The following MATR3 variants were observed in gnomAD, a reference collection of about 807,000 sequenced individuals.
The protein encoded by MATR3 is matrin 3, also known as matrin-3.
MATR3 carries 4 observed loss-of-function variants against 85.5 expected under a neutral mutation model. That is an observed-to-expected ratio of 0.05 (90% CI 0.02 to 0.11). The LOEUF (loss-of-function observed/expected upper bound fraction) is 0.11, where lower values mean the gene tolerates loss of function less well. MATR3 is among the 10% of genes least tolerant of loss of function. MATR3 has a pLI of 1.00. For synonymous variants in MATR3, 336 were observed against 343.1 expected (o/e 0.98, Z 0.23); for missense variants, 685 against 1,016.1 (o/e 0.67, Z 4.43).
intron 2 of MATR3, chr5:139,313,415 A>C (rs1301618704): frequency 2.6e-5 from 4 of 151,622 alleles, no homozygotes; most frequent in Admixed American, 2.6e-4. Context: ...TGCTTTTCAC[A>C]ACAACCCTAT....
At chr5:139,302,981 T>G (rs1016845181) in intron 1 of MATR3, among the ~76,000 whole-genome samples, 3 of 152,126 alleles carry the variant, frequency 2.0e-5, no homozygotes, top group African/African-American at 7.2e-5. Flanking sequence ...CCTGAGTATC[T>G]CTAGTTTTAT....
Position 139,322,622 on chromosome 5 carries a change from C to T in MATR3, c.1803C>T (p.Gly601=), listed in dbSNP as rs746452114. The change falls in exon 12 of 15, where the codon GGC becomes GGT. Residue 601 remains glycine, a synonymous_variant. Coordinates refer to ENST00000394805, the MANE Select transcript of MATR3 (RefSeq NM_018834.6). ...KSRKRSYSPD[G]KESPSDKKSK... ...GAAAAAGATCTTACTCTCCAGATGG[C>T]AAAGAATCTCCAAGTGATAAGAAAT... The T allele has an allele frequency of 2.1e-5, 34 of 1,614,122 alleles. No homozygotes were observed. The South Asian group carries it at 2.9e-4, about 14-fold the overall frequency.
At chr5:139,275,124 C>T (rs937160550) in intron 1 of MATR3, among the ~76,000 whole-genome samples, 3 of 148,700 alleles carry the variant, frequency 2.0e-5, no homozygotes, top group Admixed American at 2.0e-4. Flanking sequence ...TACAGGTGCC[C>T]GCCACCACGC....
chr5:139,294,296 G>A (rs556019556), intron 1 of MATR3, among the ~76,000 whole-genome samples: 138 of 152,350 alleles, frequency 9.1e-4, no homozygotes, highest in African/African-American at 3.2e-3. Flanking sequence ...GGTAGCGCCA[G>A]TGCCAAATAA....
intron 1 of MATR3, chr5:139,294,007 C>T: frequency 1.6e-6 from 2 of 1,285,296 alleles, no homozygotes; most frequent in Non-Finnish European, 2.0e-6. Flanking sequence ...GGCGGCGCAA[C>T]CAGCCTTCTA....
chr5:139,292,252 G>A (rs893531568), upstream of MATR3, among the ~76,000 whole-genome samples: 5 of 152,068 alleles, frequency 3.3e-5, no homozygotes, highest in African/African-American at 1.2e-4. Flanking sequence ...GAGATCTACC[G>A]TGCCTCAAAT....
At chr5:139,310,374 C>G (rs1389923135) in intron 2 of MATR3, 1 of 152,142 alleles carries the variant, frequency 6.6e-6, no homozygotes, top group Non-Finnish European at 1.5e-5. Flanking sequence ...ATTGGACCAA[C>G]TTTAAGAAGT....
At position 139,330,799 on chromosome 5, in the gene MATR3, AT is replaced by A. The variant is rs560051803; in HGVS notation, c.*1413del. ...TATATTGGATTATCTGTTGTAAACA[AT>A]TTTTTTTTCTTCCCTGACACAGGGT... On this transcript the variant is annotated 3_prime_UTR_variant, in exon 15 of 15. Coordinates refer to ENST00000394805, the MANE Select transcript of MATR3 (RefSeq NM_018834.6). The A allele has an allele frequency of 3.3e-5, 15 of 453,248 alleles. 1 individual carries two copies. The highest frequency in any genetic ancestry group is 4.0e-5 in the African/African-American group (2 of 49,872). The allele number at this position is 453,248 out of a possible 1,614,324, so 28.1% of individuals were successfully genotyped here.
chr5:139,291,525 T>C (rs1173868956), upstream of MATR3, among the ~76,000 whole-genome samples: 2 of 152,238 alleles, frequency 1.3e-5, no homozygotes, highest in African/African-American at 2.4e-5. Context: ...CAATTTACCC[T>C]GTCTTGAGAT....
intron 2 of MATR3, 131 bp from the exon 3 acceptor site, chr5:139,314,544 A>T: frequency 1.4e-6 from 1 of 726,252 alleles, no homozygotes; most frequent in Non-Finnish European, 2.5e-6. Context: ...AATCAATGTG[A>T]TTTAGTGAAT....
chr5:139,316,043 TATG>T, intron 4 of MATR3, 30 bp from the exon 5 acceptor site: 1 of 1,461,692 alleles, frequency 6.8e-7, no homozygotes, highest in Non-Finnish European at 9.6e-7. Context: ...ACCTCTTTAT[TATG>T]ATTTATATTT....
At chr5:139,300,997 TAG>T (rs2151943079) in intron 1 of MATR3, among the ~76,000 whole-genome samples, 1 of 151,984 alleles carries the variant, frequency 6.6e-6, no homozygotes, top group East Asian at 1.9e-4. Flanking sequence ...TATTTTTGGG[TAG>T]AGACAGGGTT....
chr5:139,304,279 C>A (rs552730399), intron 1 of MATR3, among the ~76,000 whole-genome samples: 34 of 152,176 alleles, frequency 2.2e-4, no homozygotes, highest in Non-Finnish European at 4.6e-4. Flanking sequence ...GAGGACGAGG[C>A]AGGGGGATCA....
At chr5:139,292,573 TATTGC>T (rs1250738438), upstream of MATR3, among the ~76,000 whole-genome samples, 1 of 152,128 alleles carries the variant, frequency 6.6e-6, no homozygotes, top group African/African-American at 2.4e-5. Flanking sequence ...CCCAAGAGTG[TATTGC>T]ATTCAGTCAA....
intron 1 of MATR3, among the ~76,000 whole-genome samples, chr5:139,305,897 T>G (rs945941680): frequency 1.3e-5 from 2 of 152,202 alleles, no homozygotes; most frequent in Non-Finnish European, 2.9e-5. Context: ...TTTGCCACTG[T>G]ATTTGTCCAT....
At chr5:139,294,430 C>T in intron 1 of MATR3, 1 of 163,472 alleles carries the variant, frequency 6.1e-6, no homozygotes, top group Non-Finnish European at 1.3e-5. Context: ...CACGCCGCTC[C>T]TTGCCCATCG....
chr5:139,274,228 G>A (rs1753179761), intron 1 of MATR3: 1 of 359,918 alleles, frequency 2.8e-6, no homozygotes, highest in African/African-American at 2.1e-5. Context: ...GCAGTGCAGG[G>A]TGGCTTCTGC....
chr5:139,326,570 A>G (rs1378973988), intron 14 of MATR3, among the ~76,000 whole-genome samples: 3 of 151,748 alleles, frequency 2.0e-5, no homozygotes, highest in Admixed American at 6.6e-5. Context: ...ACAGGCATGC[A>G]CCACCACACC....
chr5:139,325,418 T>C, intron 12 of MATR3, 22 bp from the exon 13 acceptor site: 1 of 1,548,402 alleles, frequency 6.5e-7, no homozygotes, highest in Non-Finnish European at 8.9e-7. Context: ...ACAAAAATGA[T>C]GATGGTTTGG....
Sources: allele counts gnomAD v4.1 joint callset (sites outside exome capture counted in the v4.1 genomes callset), GRCh38; gene constraint gnomAD v4.1.1; transcripts MANE v1.5; gene names NCBI Gene and HGNC (gene_info 2026-07-23, HGNC 2026-07-21).